The following PPEF1 variants were observed in gnomAD, a reference collection of about 807,000 sequenced individuals.
PPEF1 encodes the protein protein phosphatase with EF-hand domain 1, also known as serine/threonine-protein phosphatase with EF-hands 1.
A neutral mutation model predicts 53.3 loss-of-function variants in PPEF1; 12 were observed. The ratio of observed to expected loss-of-function variants is 0.23; its 90% CI spans 0.14 to 0.36. PPEF1 has a LOEUF of 0.36. PPEF1 is among the 10% of genes least tolerant of loss of function. PPEF1 has a pLI of 1.00. For synonymous variants in PPEF1, 165 were observed against 176.7 expected (o/e 0.93, Z 0.52); for missense variants, 334 against 490.4 (o/e 0.68, Z 3.01).
At chrX:18,687,095 G>T (rs1311309505) in intron 3 of PPEF1, among the ~76,000 whole-genome samples, 2 of 111,343 alleles carry the variant, frequency 1.8e-5, no homozygotes, top group Non-Finnish European at 1.9e-5. Flanking sequence ...AAGAGAAGAG[G>T]CTTATGCCAG....
intron 11 of PPEF1, 119 bp from the exon 12 acceptor site, chrX:18,806,284 C>T: frequency 1.3e-6 from 1 of 764,849 alleles, no homozygotes; most frequent in Admixed American, 3.0e-5. Context: ...TGATGATTTG[C>T]AGGGTTTATG....
intron 3 of PPEF1, among the ~76,000 whole-genome samples, chrX:18,745,141 TA>T (rs1321905626): frequency 1.1e-5 from 1 of 94,453 alleles, no homozygotes; most frequent in Non-Finnish European, 2.0e-5. Flanking sequence ...AATTATATTA[TA>T]TATATTATAT....
rs369759196 is a variant in PPEF1 at position 18,746,334 on chromosome X, A to C, written c.236-3458A>C. On this transcript the variant is annotated intron_variant, in intron 3 of 15. Transcript: ENST00000470157. Reference sequence around the variant, plus strand: ...TAGCTACTGGAAGAGAATTTATGTTATTCTTTTTTATGTTGCTAAAAACCA... The same window carrying C: ...TAGCTACTGGAAGAGAATTTATGTTCTTCTTTTTTATGTTGCTAAAAACCA... Among the ~76,000 whole-genome samples the C allele has an allele frequency of 8.4e-3, 941 of 112,062 alleles. 10 individuals carry two copies. Among genetic ancestry groups the C allele is most frequent in the African/African-American group, 0.029 (888 of 30,907 alleles).
upstream of PPEF1, among the ~76,000 whole-genome samples, chrX:18,680,429 CT>C (rs769412688): frequency 0.01 from 815 of 78,634 alleles, 6 homozygotes; most frequent in African/African-American, 0.028. Flanking sequence ...AATTTCTTCT[CT>C]TTTTTTTTTT....
intron 10 of PPEF1, among the ~76,000 whole-genome samples, chrX:18,798,823 C>G (rs1450434248): frequency 9.0e-6 from 1 of 111,435 alleles, no homozygotes; most frequent in African/African-American, 3.2e-5. Flanking sequence ...AGGGTTTCAC[C>G]ATGTTGGCCA....
intron 6 of PPEF1, among the ~76,000 whole-genome samples, chrX:18,775,907 A>G (rs2045956377): frequency 1.8e-5 from 2 of 112,196 alleles, no homozygotes; most frequent in South Asian, 3.7e-4. Flanking sequence ...ATCTTCCTAC[A>G]CTTTTTCTAG....
chrX:18,692,082 C>G (rs1351226161), intron 4 of PPEF1, among the ~76,000 whole-genome samples: 1 of 112,057 alleles, frequency 8.9e-6, no homozygotes, highest in Non-Finnish European at 1.9e-5. Flanking sequence ...CTTCTCTAAT[C>G]ACTTCAGCTA....
intron 6 of PPEF1, among the ~76,000 whole-genome samples, chrX:18,772,144 C>G (rs2045884313): frequency 9.0e-6 from 1 of 111,607 alleles, no homozygotes; most frequent in Non-Finnish European, 1.9e-5. Context: ...GCAAGACTCT[C>G]TCTCTCAAAT....
At chrX:18,724,435 G>A (rs772981003) in intron 1 of PPEF1, among the ~76,000 whole-genome samples, 7 of 111,771 alleles carry the variant, frequency 6.3e-5, no homozygotes, top group Non-Finnish European at 1.3e-4. Context: ...AAGATACCAT[G>A]ATAGTGATTG....
At chrX:18,683,521 T>C (rs1036522586) in intron 1 of PPEF1, among the ~76,000 whole-genome samples, 3 of 112,059 alleles carry the variant, frequency 2.7e-5, no homozygotes, top group African/African-American at 9.7e-5. Flanking sequence ...TATCATAGTT[T>C]GCAGGTGAGG....
At chrX:18,711,090 G>A (rs201449431) in intron 1 of PPEF1, among the ~76,000 whole-genome samples, 6 of 100,570 alleles carry the variant, frequency 6.0e-5, no homozygotes, top group South Asian at 4.9e-4. Context: ...GTGTGTGTGT[G>A]TGTATATATA....
chrX:18,778,901 C>T (rs951859250), intron 6 of PPEF1, 109 bp from the exon 7 acceptor site: 1 of 793,531 alleles, frequency 1.3e-6, no homozygotes, highest in Admixed American at 3.2e-5. Flanking sequence ...GGTGGAAGAA[C>T]CTGACTCAGC....
intron 15 of PPEF1, among the ~76,000 whole-genome samples, chrX:18,826,361 T>A (rs922769475): frequency 4.6e-5 from 5 of 107,751 alleles, no homozygotes; most frequent in Non-Finnish European, 7.7e-5. Context: ...ATAAAAATCA[T>A]TCCTAGAAAT....
At chrX:18,722,969 T>G (rs971564562) in intron 1 of PPEF1, among the ~76,000 whole-genome samples, 1 of 110,016 alleles carries the variant, frequency 9.1e-6, no homozygotes, top group African/African-American at 3.4e-5. Context: ...GTAGCCTGTT[T>G]GTCCACAGTA....
chrX:18,767,524 A>C (rs751467126), intron 6 of PPEF1, among the ~76,000 whole-genome samples: 1 of 112,360 alleles, frequency 8.9e-6, no homozygotes, highest in Admixed American at 9.4e-5. Context: ...CAGCCTGGGC[A>C]ACAGAGCGAG....
At chrX:18,807,974 T>TC (rs2046712185) in intron 12 of PPEF1, among the ~76,000 whole-genome samples, 1 of 101,160 alleles carries the variant, frequency 9.9e-6, no homozygotes, top group Non-Finnish European at 2.0e-5. Context: ...CGTACATTTT[T>TC]TTTTTTTTTT....
intron 3 of PPEF1, among the ~76,000 whole-genome samples, chrX:18,746,869 C>T (rs2045341705): frequency 8.9e-6 from 1 of 111,762 alleles, no homozygotes; most frequent in Non-Finnish European, 1.9e-5. Context: ...ATGCTGTACC[C>T]CATTTTCCTT....
chrX:18,676,554 C>T (rs2147213813), intron 1 of PPEF1, among the ~76,000 whole-genome samples: 1 of 111,123 alleles, frequency 9.0e-6, no homozygotes, highest in South Asian at 3.8e-4. Flanking sequence ...ACGAGATGAC[C>T]AGAGTGGCCA....
chrX:18,804,223 A>G, intron 11 of PPEF1, 146 bp downstream of exon 11: 1 of 502,833 alleles, frequency 2.0e-6, no homozygotes, highest in Non-Finnish European at 3.1e-6. Flanking sequence ...AGCTTCATCT[A>G]GGTTGTTTGA....
Sources: gnomAD v4.1 joint callset for allele counts (sites outside exome capture counted in the v4.1 genomes callset) on GRCh38, gnomAD v4.1.1 for gene constraint, MANE v1.5 for transcripts, NCBI Gene and HGNC (gene_info 2026-07-23, HGNC 2026-07-21) for gene names.